SYT16: variants seen among roughly 807,000 people sequenced by gnomAD.
SYT16 encodes the protein synaptotagmin 16.
A neutral mutation model predicts 61.4 loss-of-function variants in SYT16; 42 were observed. The ratio of observed to expected loss-of-function variants is 0.68; its 90% CI spans 0.53 to 0.89. SYT16 has a LOEUF of 0.89. Among genes scored for constraint, SYT16 ranks in the 40% least tolerant of loss-of-function variants. The pLI, the probability that SYT16 is intolerant of heterozygous loss-of-function variation, is 0.00. For synonymous variants in SYT16, 314 were observed against 302.3 expected (o/e 1.04, Z -0.40); for missense variants, 804 against 807.3 (o/e 1.00, Z 0.05).
intron 7 of SYT16, among the ~76,000 whole-genome samples, chr14:62,093,283 C>A (rs925785808): frequency 4.0e-5 from 6 of 151,566 alleles, no homozygotes; most frequent in African/African-American, 1.5e-4. Context: ...CAAATGTAAC[C>A]AATTCAATAG....
intron 1 of SYT16, among the ~76,000 whole-genome samples, chr14:61,901,741 T>TATAATAATAATAATA (rs369412092): frequency 9.6e-4 from 141 of 147,564 alleles, no homozygotes; most frequent in African/African-American, 3.3e-3. Context: ...TTCATCTGCT[T>TATAATAATAATAATA]ATAATAATAA....
chr14:61,853,470 G>C (rs981048575), intron 1 of SYT16, among the ~76,000 whole-genome samples: 1 of 152,172 alleles, frequency 6.6e-6, no homozygotes, highest in African/African-American at 2.4e-5. Context: ...AAGGTCATGA[G>C]GGCAGAACCT....
At chr14:61,850,970 G>A (rs2046598011) in intron 1 of SYT16, among the ~76,000 whole-genome samples, 1 of 152,098 alleles carries the variant, frequency 6.6e-6, no homozygotes, top group South Asian at 2.1e-4. Flanking sequence ...AGATAAATGT[G>A]TGTCATGATG....
chr14:61,952,176 T>C (rs1280529404), intron 1 of SYT16, among the ~76,000 whole-genome samples: 2 of 152,056 alleles, frequency 1.3e-5, no homozygotes, highest in African/African-American at 4.8e-5. Context: ...ACAAGGCTCA[T>C]GTATTGCTTA....
chr14:62,046,766 A>G (rs553755251), intron 3 of SYT16, among the ~76,000 whole-genome samples: 49 of 152,194 alleles, frequency 3.2e-4, no homozygotes, highest in Middle Eastern at 3.4e-3. Flanking sequence ...ATAGTTGTAG[A>G]TATGTGGCAT....
intron 1 of SYT16, among the ~76,000 whole-genome samples, chr14:61,866,061 A>G (rs1450438019): frequency 1.3e-5 from 2 of 152,224 alleles, no homozygotes; most frequent in Middle Eastern, 3.2e-3. Flanking sequence ...AATTATTCAG[A>G]AAGTGGGTCA....
intron 1 of SYT16, among the ~76,000 whole-genome samples, chr14:61,931,388 T>C (rs976997397): frequency 1.3e-5 from 2 of 152,216 alleles, no homozygotes; most frequent in African/African-American, 2.4e-5. Context: ...TATTCGCTTG[T>C]TTTTTAAATT....
At chr14:61,953,382 T>C (rs115770808) in intron 1 of SYT16, among the ~76,000 whole-genome samples, 396 of 152,288 alleles carry the variant, frequency 2.6e-3, no homozygotes, top group African/African-American at 9.0e-3. Context: ...ATTTTTTTTT[T>C]TAATCTCCTC....
chr14:62,004,474 T>G (rs929014896), intron 3 of SYT16, among the ~76,000 whole-genome samples: 1 of 151,986 alleles, frequency 6.6e-6, no homozygotes, highest in African/African-American at 2.4e-5. Context: ...CTGTAAACAG[T>G]TGGGAATCTT....
At chr14:61,953,005 G>A (rs759362451) in intron 1 of SYT16, among the ~76,000 whole-genome samples, 4 of 152,092 alleles carry the variant, frequency 2.6e-5, no homozygotes, top group Non-Finnish European at 5.9e-5. Flanking sequence ...CTGGATGTAG[G>A]ACATTGGCAA....
intron 3 of SYT16, among the ~76,000 whole-genome samples, chr14:62,033,586 C>T (rs562272437): frequency 5.9e-5 from 9 of 152,072 alleles, no homozygotes; most frequent in South Asian, 4.1e-4. Flanking sequence ...TGAGGTGGAA[C>T]GGAGAGGGAC....
intron 7 of SYT16, among the ~76,000 whole-genome samples, chr14:62,093,734 G>C (rs367880552): frequency 2.0e-5 from 3 of 152,092 alleles, no homozygotes; most frequent in African/African-American, 7.2e-5. Context: ...AAAAAATTAC[G>C]ATTATCTCAA....
intron 1 of SYT16, among the ~76,000 whole-genome samples, chr14:61,961,532 T>A (rs896184766): frequency 3.9e-5 from 6 of 152,168 alleles, no homozygotes; most frequent in African/African-American, 1.4e-4. Flanking sequence ...ATGTCACTAA[T>A]CATTATATAA....
At chr14:61,905,872 A>G (rs1399890947) in intron 1 of SYT16, among the ~76,000 whole-genome samples, 2 of 151,124 alleles carry the variant, frequency 1.3e-5, no homozygotes, top group Non-Finnish European at 2.9e-5. Flanking sequence ...ATTCTCCTGT[A>G]TCAGCCACCC....
At chr14:61,982,516 TG>T (rs1247295025) in intron 2 of SYT16, among the ~76,000 whole-genome samples, 1 of 152,042 alleles carries the variant, frequency 6.6e-6, no homozygotes, top group Non-Finnish European at 1.5e-5. Flanking sequence ...AAGAACAGTA[TG>T]GGGGAAACTG....
chr14:61,817,830 T>A lies in SYT16; in HGVS notation c.-325+5020T>A, dbSNP rs1192461556. On this transcript the variant is annotated intron_variant, in intron 1 of 7. Coordinates refer to ENST00000683842, the MANE Select transcript of SYT16 (RefSeq NM_001367656.1). ...ATGGGACATGATATCTGTACCTAAA[T>A]GTCAAAGGCTTTAGGAAAAAAGGAT... 4.6e-5 allele frequency among the ~76,000 whole-genome samples: 7 copies of A among 152,232 alleles called. No homozygotes were observed. The East Asian group carries it at 1.3e-3, about 29-fold the overall frequency.
intron 1 of SYT16, among the ~76,000 whole-genome samples, chr14:61,946,408 A>G (rs989953440): frequency 6.2e-4 from 94 of 152,308 alleles, no homozygotes; most frequent in Admixed American, 6.1e-3. Context: ...GGAGACTCCA[A>G]AAGGTGGGAC....
intron 1 of SYT16, among the ~76,000 whole-genome samples, chr14:61,938,330 G>A (rs1028287972): frequency 2.0e-5 from 3 of 151,962 alleles, no homozygotes; most frequent in African/African-American, 7.3e-5. Flanking sequence ...GGCCTTCAAG[G>A]GCTTCACAAA....
intron 1 of SYT16, among the ~76,000 whole-genome samples, chr14:61,817,694 C>T (rs1366229722): frequency 6.6e-6 from 1 of 152,052 alleles, no homozygotes; most frequent in Non-Finnish European, 1.5e-5. Flanking sequence ...AAAAATGCGA[C>T]AAAGGACAGT....
Sources: gnomAD v4.1 joint callset for allele counts (sites outside exome capture counted in the v4.1 genomes callset) on GRCh38, gnomAD v4.1.1 for gene constraint, MANE v1.5 for transcripts, NCBI Gene and HGNC (gene_info 2026-07-23, HGNC 2026-07-21) for gene names.